The following EIF2AK4 variants were observed in gnomAD, a reference collection of about 807,000 sequenced individuals.
The protein encoded by EIF2AK4 is eukaryotic translation initiation factor 2 alpha kinase 4.
EIF2AK4 carries 139 observed loss-of-function variants against 211.1 expected under a neutral mutation model. The ratio of observed to expected loss-of-function variants is 0.66; its 90% CI spans 0.57 to 0.76. The LOEUF (loss-of-function observed/expected upper bound fraction) is 0.76. EIF2AK4 is among the 30% of genes least tolerant of loss of function. EIF2AK4 has a pLI of 0.00. For missense variants in EIF2AK4, 1,664 were observed against 2,043.8 expected (o/e 0.81, Z 3.58); for synonymous variants, 710 against 751.3 (o/e 0.94, Z 0.90).
intron 6 of EIF2AK4, among the ~76,000 whole-genome samples, chr15:39,958,566 G>T (rs1207588471): frequency 1.3e-5 from 2 of 152,152 alleles, no homozygotes; most frequent in African/African-American, 2.4e-5. Context: ...TCCAGACATG[G>T]TCCTCTGTTG....
chr15:39,996,958 C>T lies in EIF2AK4; in HGVS notation c.2767-6C>T, dbSNP rs757456275. On this transcript the variant is annotated splice_region_variant and splice_polypyrimidine_tract_variant and intron_variant, in intron 18 of 38. Coordinates refer to ENST00000263791, the MANE Select transcript of EIF2AK4 (RefSeq NM_001013703.4). The stretch of plus-strand genomic sequence containing the variant: ...CTCTCTAAATGCAATTATTCTTCCC[C>T]CTCAGAAAGTGGATCTCTTCAGCCT... 6.3e-7 allele frequency: 1 copy of T among 1,593,154 alleles called. No homozygotes were observed. Among genetic ancestry groups the T allele is most frequent in the Non-Finnish European group, 8.6e-7 (1 of 1,161,118 alleles).
intron 34 of EIF2AK4, among the ~76,000 whole-genome samples, chr15:40,029,731 G>GGT (rs2035513271): frequency 6.6e-6 from 1 of 152,164 alleles, no homozygotes; most frequent in Non-Finnish European, 1.5e-5. Flanking sequence ...TATTGTACAA[G>GGT]TGAAATGTGT....
chr15:39,984,814 T>C (rs1191651762), intron 13 of EIF2AK4, among the ~76,000 whole-genome samples: 2 of 152,230 alleles, frequency 1.3e-5, no homozygotes, highest in Non-Finnish European at 2.9e-5. Flanking sequence ...TAATTTGACT[T>C]CCTCTCTTTC....
chr15:40,028,144 C>T (rs940605578), intron 33 of EIF2AK4, among the ~76,000 whole-genome samples: 47 of 151,086 alleles, frequency 3.1e-4, no homozygotes, highest in African/African-American at 1.1e-3. Flanking sequence ...GTATACATGA[C>T]TCACTATAGC....
At chr15:40,001,292 A>C in intron 21 of EIF2AK4, 68 bp downstream of exon 21, 4 of 1,509,148 alleles carry the variant, frequency 2.7e-6, no homozygotes, top group Non-Finnish European at 3.6e-6. Flanking sequence ...CCAGTTTCTC[A>C]CAGATTCTTT....
At chr15:39,973,108 GTTATT>G in intron 10 of EIF2AK4, 94 bp downstream of exon 10, 3 of 990,340 alleles carry the variant, frequency 3.0e-6, no homozygotes, top group Non-Finnish European at 4.8e-6. Context: ...GGCTGCATGT[GTTATT>G]TTATGTCTTT....
chr15:39,934,507 G>C (rs563410585), intron 1 of EIF2AK4, among the ~76,000 whole-genome samples, 168 bp downstream of exon 1: 1 of 152,330 alleles, frequency 6.6e-6, no homozygotes, highest in South Asian at 2.1e-4. Flanking sequence ...CAGCTGGTCT[G>C]CAGAATCCCA....
intron 25 of EIF2AK4, among the ~76,000 whole-genome samples, chr15:40,008,409 G>A (rs1321601246): frequency 6.6e-6 from 1 of 152,134 alleles, no homozygotes; most frequent in Non-Finnish European, 1.5e-5. Context: ...TGGGGGATGG[G>A]TATTCTCTGC....
At chr15:39,946,853 T>C in intron 3 of EIF2AK4, 2 of 573,080 alleles carry the variant, frequency 3.5e-6, no homozygotes, top group Non-Finnish European at 6.2e-6. Context: ...GTTCAGATGA[T>C]CATTAGCATT....
intron 18 of EIF2AK4, among the ~76,000 whole-genome samples, chr15:39,993,751 CAGGG>C (rs2034982892): frequency 6.6e-6 from 1 of 152,234 alleles, no homozygotes; most frequent in Non-Finnish European, 1.5e-5. Flanking sequence ...TTGAAGTACA[CAGGG>C]AGCCAGTGAA....
chr15:39,942,108 G>A (rs1347098376), intron 2 of EIF2AK4, among the ~76,000 whole-genome samples: 1 of 152,108 alleles, frequency 6.6e-6, no homozygotes, highest in Non-Finnish European at 1.5e-5. Context: ...GCTATATTAT[G>A]ATTACTTATT....
intron 7 of EIF2AK4, among the ~76,000 whole-genome samples, chr15:39,964,809 T>A (rs1435279866): frequency 6.6e-6 from 1 of 152,222 alleles, no homozygotes; most frequent in Non-Finnish European, 1.5e-5. Flanking sequence ...AATAAATGTG[T>A]CTCATTTTCT....
intron 2 of EIF2AK4, among the ~76,000 whole-genome samples, chr15:39,942,398 TC>T (rs137865851): frequency 0.011 from 1,728 of 152,268 alleles, 31 homozygotes; most frequent in African/African-American, 0.04. Flanking sequence ...GTTCTTTCCC[TC>T]ATATAGACTA....
At chr15:39,990,210 A>G (rs1198679673) in intron 15 of EIF2AK4, 63 bp from the exon 16 acceptor site, 5 of 1,511,704 alleles carry the variant, frequency 3.3e-6, no homozygotes, top group Non-Finnish European at 3.7e-6. Context: ...CTTTTAAATT[A>G]GGAAGTAGGT....
At chr15:39,978,320 C>T (rs538616267) in intron 13 of EIF2AK4, 173 bp downstream of exon 13, 2 of 367,654 alleles carry the variant, frequency 5.4e-6, no homozygotes, top group Non-Finnish European at 9.7e-6. Context: ...TATTTATAGA[C>T]CTTCTTTATT....
chr15:39,993,074 ATT>A (rs1221150201), intron 18 of EIF2AK4, among the ~76,000 whole-genome samples: 9 of 90,882 alleles, frequency 9.9e-5, no homozygotes, highest in Non-Finnish European at 2.5e-4. Context: ...CCATCCATCC[ATT>A]CATCCATCCA....
At chr15:39,948,222 A>G (rs756306370) in intron 3 of EIF2AK4, among the ~76,000 whole-genome samples, 3 of 152,240 alleles carry the variant, frequency 2.0e-5, no homozygotes, top group Non-Finnish European at 4.4e-5. Flanking sequence ...AATGACTTCT[A>G]TTATTATTTA....
intron 32 of EIF2AK4, among the ~76,000 whole-genome samples, chr15:40,024,895 T>G (rs1384237065): frequency 6.6e-6 from 1 of 152,026 alleles, no homozygotes; most frequent in Non-Finnish European, 1.5e-5. Context: ...ACTGGCTAAT[T>G]TTTGTATTTT....
chr15:39,971,526 G>C (rs544975320), intron 9 of EIF2AK4, among the ~76,000 whole-genome samples: 1 of 151,988 alleles, frequency 6.6e-6, no homozygotes, highest in African/African-American at 2.4e-5. Context: ...GCAAGACTTC[G>C]TCTCATAATA....
Sources: gnomAD v4.1 joint callset for allele counts (sites outside exome capture counted in the v4.1 genomes callset) on GRCh38, gnomAD v4.1.1 for gene constraint, MANE v1.5 for transcripts, NCBI Gene and HGNC (gene_info 2026-07-23, HGNC 2026-07-21) for gene names.